Variants in GPHN observed in about 807,000 individuals in gnomAD.
GPHN encodes gephyrin.
In GPHN, 17 loss-of-function variants were observed where a neutral mutation model predicts 95.5. The ratio of observed to expected loss-of-function variants is 0.18; its 90% CI spans 0.12 to 0.27. The LOEUF is 0.27. Among genes scored for constraint, GPHN ranks in the 10% least tolerant of loss-of-function variants. The probability of loss-of-function intolerance (pLI) is 1.00; values close to 1 mark genes in which losing one functional copy is unlikely to be tolerated. For missense variants in GPHN, 660 were observed against 978.1 expected, an observed-to-expected ratio of 0.67 and a Z score of 4.34; for synonymous variants, 320 against 322.5, an observed-to-expected ratio of 0.99 and a Z score of 0.08.
the GPHN span, chr14:67,571,786 A>G: frequency 1.2e-5 from 20 of 1,613,744 alleles, 1 homozygote; most frequent in South Asian, 2.2e-4. Flanking sequence ...CCCTTTATGG[A>G]CGAGTCCTCT....
At chr14:66,681,283 A>G in intron 2 of GPHN, 98 bp downstream of exon 2, 7 of 789,372 alleles carry the variant, frequency 8.9e-6, no homozygotes, top group Non-Finnish European at 1.5e-5. Context: ...TTTAAGGTAC[A>G]ACAATTTTTT....
chr14:67,687,412 G>A, the GPHN span, among the ~76,000 whole-genome samples: 6 of 140,338 alleles, frequency 4.3e-5, no homozygotes, highest in Non-Finnish European at 8.1e-5. Context: ...AACTGAGCCC[G>A]GACCTTTGTA....
chr14:66,612,281 A>AT (rs913200555), intron 1 of GPHN, among the ~76,000 whole-genome samples: 1 of 151,352 alleles, frequency 6.6e-6, no homozygotes, highest in African/African-American at 2.4e-5. Flanking sequence ...CTTCTTTTTA[A>AT]TTTTTTTGTA....
chr14:67,323,615 A>AATATATATATATTAGATTATAT, the GPHN span: 2 of 258,784 alleles, frequency 7.7e-6, no homozygotes, highest in Non-Finnish European at 7.0e-6. Flanking sequence ...CCCTTAATCT[A>AATATATATATATTAGATTATAT]ATATATATAT....
the GPHN span, chr14:67,336,360 C>A: frequency 7.3e-5 from 13 of 179,180 alleles, no homozygotes; most frequent in South Asian, 7.5e-4. Context: ...AGATAACTGA[C>A]TCCACACAAC....
At chr14:67,554,047 A>G in the GPHN span, among the ~76,000 whole-genome samples, 1 of 152,158 alleles carries the variant, frequency 6.6e-6, no homozygotes, top group Non-Finnish European at 1.5e-5. Context: ...GGATCTTCGG[A>G]TGAGCATAAC....
At chr14:66,982,386 C>T (rs1000672844) in intron 9 of GPHN, among the ~76,000 whole-genome samples, 2 of 152,106 alleles carry the variant, frequency 1.3e-5, no homozygotes, top group African/African-American at 4.8e-5. Context: ...ATGTCAAAGT[C>T]ATTTTACTAC....
At chr14:67,660,094 C>T in the GPHN span, 2 of 638,160 alleles carry the variant, frequency 3.1e-6, no homozygotes, top group Non-Finnish European at 5.2e-6. Flanking sequence ...ATTCTGAATG[C>T]CTTGCATAGT....
intron 4 of GPHN, among the ~76,000 whole-genome samples, chr14:66,827,025 T>C (rs2061409722): frequency 6.6e-6 from 1 of 152,158 alleles, no homozygotes; most frequent in Non-Finnish European, 1.5e-5. Flanking sequence ...GGCTCACACC[T>C]GTAATCCCAG....
the GPHN span, among the ~76,000 whole-genome samples, chr14:67,493,843 G>A: frequency 6.6e-6 from 1 of 151,912 alleles, no homozygotes; most frequent in Admixed American, 6.6e-5. Context: ...AAATTGACAG[G>A]GTAAGGCCAG....
chr14:66,562,257 G>A (rs1358682638), intron 1 of GPHN, among the ~76,000 whole-genome samples: 1 of 152,098 alleles, frequency 6.6e-6, no homozygotes. Flanking sequence ...AAATTCTGCG[G>A]ATCTATTTCA....
the GPHN span, among the ~76,000 whole-genome samples, chr14:67,193,547 C>A: frequency 2.2e-5 from 3 of 136,296 alleles, no homozygotes; most frequent in South Asian, 4.6e-4. Flanking sequence ...AAATATATAT[C>A]TATATATAGA....
At chr14:67,442,167 G>A in the GPHN span, among the ~76,000 whole-genome samples, 3 of 152,130 alleles carry the variant, frequency 2.0e-5, no homozygotes, top group African/African-American at 7.2e-5. Context: ...GGAAGAATGG[G>A]CCCACAGAGG....
the GPHN span, chr14:67,471,958 TGA>T: frequency 6.6e-6 from 1 of 151,970 alleles, no homozygotes. Flanking sequence ...CCTTGAGGAG[TGA>T]GAGTCAGAGC....
intron 9 of GPHN, among the ~76,000 whole-genome samples, chr14:66,990,353 A>T (rs2071328174): frequency 6.6e-6 from 1 of 152,156 alleles, no homozygotes. Context: ...CTTTTACTTC[A>T]TTAAAATGCT....
At chr14:67,459,344 G>T in the GPHN span, among the ~76,000 whole-genome samples, 2 of 152,172 alleles carry the variant, frequency 1.3e-5, no homozygotes, top group Non-Finnish European at 2.9e-5. Context: ...TATATTATTG[G>T]TTTTTAATGA....
chr14:66,523,464 T>A (rs2058559886), intron 1 of GPHN, among the ~76,000 whole-genome samples: 1 of 152,098 alleles, frequency 6.6e-6, no homozygotes, highest in African/African-American at 2.4e-5. Context: ...ATTTTGCTAT[T>A]GTAAATTTAA....
chr14:66,669,492 G>T, intron 1 of GPHN, among the ~76,000 whole-genome samples: 1 of 134,648 alleles, frequency 7.4e-6, no homozygotes, highest in Non-Finnish European at 1.5e-5. Flanking sequence ...TCTCTATATT[G>T]AGTTGTTATT....
chr14:67,391,308 T>TGTGTGTGTGA, the GPHN span, among the ~76,000 whole-genome samples: 1 of 145,924 alleles, frequency 6.9e-6, no homozygotes, highest in African/African-American at 2.7e-5. Context: ...TGTGTGTGAC[T>TGTGTGTGTGA]TTCTTTGGCC....
Sources: gnomAD v4.1 joint callset for allele counts (sites outside exome capture counted in the v4.1 genomes callset) on GRCh38, gnomAD v4.1.1 for gene constraint, MANE v1.5 for transcripts, NCBI Gene and HGNC (gene_info 2026-07-23, HGNC 2026-07-21) for gene names.